The following NEURL1B variants were observed in gnomAD, a reference collection of about 807,000 sequenced individuals.
NEURL1B encodes the protein E3 ubiquitin-protein ligase NEURL1B.
Under a neutral mutation model 37.4 loss-of-function variants are expected in NEURL1B, and 13 were observed. That is an observed-to-expected ratio of 0.35 (90% CI 0.23 to 0.55). The LOEUF is 0.55. Among genes scored for constraint, NEURL1B ranks in the 20% least tolerant of loss-of-function variants. The pLI is 0.89. For missense variants in NEURL1B, 790 were observed against 879.2 expected (o/e 0.90, Z 1.28); for synonymous variants, 432 against 426.6 (o/e 1.01, Z -0.16).
chr5:172,651,848 G>A (rs534579143), intron 1 of NEURL1B, among the ~76,000 whole-genome samples: 5 of 152,318 alleles, frequency 3.3e-5, no homozygotes, highest in Non-Finnish European at 7.3e-5. Context: ...CTAAATAGAC[G>A]TGAGAGTCAA....
chr5:172,653,467 TCTTTTTAAC>T (rs2113270011), intron 1 of NEURL1B, among the ~76,000 whole-genome samples: 1 of 152,324 alleles, frequency 6.6e-6, no homozygotes, highest in South Asian at 2.1e-4. Flanking sequence ...GTTTATAGAC[TCTTTTTAAC>T]CTTTTATAAT....
chr5:172,670,728 C>T (rs1419947256), intron 2 of NEURL1B, among the ~76,000 whole-genome samples: 42 of 152,238 alleles, frequency 2.8e-4, no homozygotes, highest in South Asian at 2.1e-4. Context: ...TTCACTCATT[C>T]GCACATGTAT....
chr5:172,645,903 C>A (rs750147706), intron 1 of NEURL1B, among the ~76,000 whole-genome samples: 2 of 152,194 alleles, frequency 1.3e-5, no homozygotes, highest in Non-Finnish European at 2.9e-5. Flanking sequence ...GCCACCAGAC[C>A]ATGTGGTCTC....
rs1758519289 is a variant in NEURL1B at position 172,687,109 on chromosome 5, C to G, written c.*184C>G. ...GCCCAGGCAGGGGTTGCTTCTGGCT[C>G]CAAAGTGCTTTGCCCCCAAAAGGCC... On this transcript the variant is annotated 3_prime_UTR_variant, in exon 5 of 5. Coordinates refer to ENST00000369800, the MANE Select transcript of NEURL1B (RefSeq NM_001142651.3). 1.4e-6 allele frequency: 1 copy of G among 697,096 alleles called. No homozygotes were observed. Among genetic ancestry groups the G allele is most frequent in the Non-Finnish European group, 2.3e-6 (1 of 432,054 alleles). 43.2% of individuals were successfully genotyped at this position (697,096 alleles called of 1,614,324 possible).
At chr5:172,649,439 G>A (rs1757621963) in intron 1 of NEURL1B, among the ~76,000 whole-genome samples, 1 of 130,518 alleles carries the variant, frequency 7.7e-6, no homozygotes, top group Non-Finnish European at 1.6e-5. Context: ...TTGGCTCACT[G>A]CAACCTTTGC....
chr5:172,686,290 T>C lies in NEURL1B; in HGVS notation c.1417T>C (p.Ser473Pro), dbSNP rs1758494980. ...VNQSSSASES[S>P]LVTAPSSPLS... is the part of the protein sequence containing the mutation. ...CCAGTCCTCCTCGGCATCTGAGTCA[T>C]CCCTGGGTAAGGAAATGCAAACCCT... is the stretch of plus-strand genomic sequence containing the variant. Residue 473 changes from serine (S) to proline (P), a missense_variant, in exon 4 of 5, where the codon TCC becomes CCC. By Grantham distance (74) the Ser-to-Pro change is moderately conservative. This residue lies in a region of NEURL1B where 115 missense variants were observed against 162.6 expected (regional missense o/e 0.71). Coordinates refer to ENST00000369800, the MANE Select transcript of NEURL1B (RefSeq NM_001142651.3). This position sits in a 1 kb window ranked among gnomAD's most constrained non-coding sequence, Gnocchi z 7.9. The C allele has an allele frequency of 1.3e-6, 2 of 1,551,548 alleles. No individual in the cohort carries two copies. The highest frequency in any genetic ancestry group is 2.0e-5 in the Admixed American group (1 of 50,980).
At chr5:172,650,369 C>CTCTG (rs1156620032) in intron 1 of NEURL1B, among the ~76,000 whole-genome samples, 1 of 152,198 alleles carries the variant, frequency 6.6e-6, no homozygotes, top group Non-Finnish European at 1.5e-5. Context: ...CACTCAGGGG[C>CTCTG]TCTGTTCTCA....
chr5:172,656,083 C>T (rs549442187), intron 1 of NEURL1B, among the ~76,000 whole-genome samples: 10 of 152,326 alleles, frequency 6.6e-5, no homozygotes, highest in South Asian at 6.2e-4. Flanking sequence ...GCTGCTGTGT[C>T]GTTCCCCTAT....
chr5:172,641,377 GC>G lies in NEURL1B; in HGVS notation c.-28del. The G allele has an allele frequency of 1.4e-6, 2 of 1,381,688 alleles. No individual in the cohort carries two copies. The highest frequency in any genetic ancestry group is 1.9e-6 in the Non-Finnish European group (2 of 1,067,812). The allele number at this position is 1,381,688 out of a possible 1,614,324, so 85.6% of individuals were successfully genotyped here. A position where few individuals can be genotyped will look rare whatever the true frequency, so the allele number is the denominator to read the frequency against. ...ATTAGCCTCCGCGCGCCCAGAGCGC[GC>G]CGCCGCCAACGCCGCGCCCGACGCA... On this transcript the variant is annotated 5_prime_UTR_variant, in exon 1 of 5. Coordinates refer to ENST00000369800, the MANE Select transcript of NEURL1B (RefSeq NM_001142651.3). The surrounding 1 kb of genome is among the most constrained non-coding windows in gnomAD (Gnocchi z 6.4).
intron 2 of NEURL1B, among the ~76,000 whole-genome samples, 188 bp downstream of exon 2, chr5:172,670,518 A>C (rs1758107833): frequency 6.6e-6 from 1 of 152,244 alleles, no homozygotes; most frequent in Non-Finnish European, 1.5e-5. Context: ...AGATGCGAAA[A>C]CTGAGGCATA....
intron 3 of NEURL1B, among the ~76,000 whole-genome samples, chr5:172,684,668 A>C (rs962758703): frequency 1.3e-5 from 2 of 152,198 alleles, no homozygotes; most frequent in Admixed American, 6.5e-5. Flanking sequence ...ATTTTGAGAT[A>C]ATTTTTGCCT....
At chr5:172,642,213 A>G (rs1394898465) in intron 1 of NEURL1B, among the ~76,000 whole-genome samples, 2 of 152,228 alleles carry the variant, frequency 1.3e-5, no homozygotes, top group Non-Finnish European at 2.9e-5. Flanking sequence ...CCAGCTCGGT[A>G]TGCAAAGAAG....
intron 1 of NEURL1B, among the ~76,000 whole-genome samples, chr5:172,648,694 C>A (rs1284389111): frequency 6.6e-6 from 1 of 152,258 alleles, no homozygotes; most frequent in Non-Finnish European, 1.5e-5. Flanking sequence ...TTGTATTTGG[C>A]AGAACTCTGT....
chr5:172,677,177 C>T (rs954496964), intron 2 of NEURL1B, among the ~76,000 whole-genome samples: 1 of 152,068 alleles, frequency 6.6e-6, no homozygotes, highest in Non-Finnish European at 1.5e-5. Context: ...CACGCGGAGT[C>T]ATTAGCTTTG....
intron 3 of NEURL1B, among the ~76,000 whole-genome samples, chr5:172,685,185 T>C (rs1181320757): frequency 6.6e-6 from 1 of 152,166 alleles, no homozygotes; most frequent in Non-Finnish European, 1.5e-5. Context: ...GAGGATGAAA[T>C]CATGTGCATA....
rs1235995865 is a variant in NEURL1B at position 172,690,047 on chromosome 5, A to G, written c.*3122A>G. 3 of 151,778 alleles carry G rather than the reference A, an allele frequency of 2.0e-5. No individual in the cohort carries two copies. The highest frequency in any genetic ancestry group is 4.9e-5 in the African/African-American group (2 of 41,212). The allele number at this position is 151,778 out of a possible 1,614,324, so 9.4% of individuals were successfully genotyped here. A position where few individuals can be genotyped will look rare whatever the true frequency, so the allele number is the denominator to read the frequency against. ...CAAGCGGGGCCCCAGCCCCCTGAGC[A>G]CCCCCTCACGTGACCCAGCCCTCGG... On this transcript the variant is annotated 3_prime_UTR_variant, in exon 5 of 5. Coordinates refer to ENST00000369800, the MANE Select transcript of NEURL1B (RefSeq NM_001142651.3).
chr5:172,662,939 G>T (rs1490888065), intron 1 of NEURL1B, among the ~76,000 whole-genome samples: 1 of 151,852 alleles, frequency 6.6e-6, no homozygotes, highest in Non-Finnish European at 1.5e-5. Context: ...TTAACCATGG[G>T]GGTTAGGCTG....
At position 172,641,504 on chromosome 5, in the gene NEURL1B, G is replaced by A; in HGVS notation, c.31+67G>A. 1.7e-6 allele frequency: 2 copies of A among 1,203,528 alleles called. No individual in the cohort carries two copies. The highest frequency in any genetic ancestry group is 2.1e-6 in the Non-Finnish European group (2 of 955,716). The allele number at this position is 1,203,528 out of a possible 1,614,324, so 74.6% of individuals were successfully genotyped here. ...CTCTCCTCCGGGGGACCCGCTGGGT[G>A]ACTCTGGAGAGCTACCCCACGGCCC... is the stretch of plus-strand genomic sequence containing the variant. On this transcript the variant is annotated intron_variant, in intron 1 of 4. Transcript: ENST00000369800. This position sits in a 1 kb window ranked among gnomAD's most constrained non-coding sequence, Gnocchi z 6.4.
rs150407594 is a variant in NEURL1B at position 172,663,452 on chromosome 5, C to T, written c.32-6333C>T. Among the ~76,000 whole-genome samples the T allele has an allele frequency of 1.0e-3, 151 of 143,994 alleles. 1 individual carries two copies. The highest frequency in any genetic ancestry group is 1.6e-3 in the Non-Finnish European group (107 of 67,018). 94.5% of individuals were successfully genotyped at this position (143,994 alleles called of 152,430 possible). On this transcript the variant is annotated intron_variant, in intron 1 of 4. Coordinates refer to ENST00000369800, the MANE Select transcript of NEURL1B (RefSeq NM_001142651.3). ...AGGAGAATCGCTCGAACCCGGGAGG[C>T]GGATGTTGCAGTGAGCCAAGATCAC...
Sources: allele counts gnomAD v4.1 joint callset (sites outside exome capture counted in the v4.1 genomes callset), GRCh38; gene constraint gnomAD v4.1.1; regional missense constraint gnomAD v4.1.1; non-coding constraint Gnocchi (gnomAD v3.1); transcripts MANE v1.5; gene names NCBI Gene and HGNC (gene_info 2026-07-23, HGNC 2026-07-21).